Variants in GAD2 observed in about 807,000 individuals in gnomAD.
GAD2 encodes the protein glutamate decarboxylase 2.
A neutral mutation model predicts 80.1 loss-of-function variants in GAD2; 22 were observed. The observed-to-expected ratio is 0.27, with a 90% CI of 0.20 to 0.39. GAD2 has a LOEUF of 0.39. GAD2 is among the 10% of genes least tolerant of loss of function. The pLI is 1.00. For missense variants in GAD2, 624 were observed against 738.4 expected (o/e 0.85, Z 1.80); for synonymous variants, 274 against 256.9 (o/e 1.07, Z -0.64).
At position 26,301,081 on chromosome 10, in the gene GAD2, T is replaced by C. The variant is rs555050655; in HGVS notation, c.*120T>C. 1 of 864,380 alleles carries C rather than the reference T, an allele frequency of 1.2e-6. No individual in the cohort carries two copies. The highest frequency in any genetic ancestry group is 1.7e-5 in the African/African-American group (1 of 59,450). The allele number at this position is 864,380 out of a possible 1,614,324, so 53.5% of individuals were successfully genotyped here. On this transcript the variant is annotated 3_prime_UTR_variant, in exon 16 of 16. Coordinates refer to ENST00000376261, the MANE Select transcript of GAD2 (RefSeq NM_001134366.2). ...CTATTTCTATATTGTGGTGTCAAAG[T>C]AGAGTTTAAAAATTAAACAAAAAAG...
At chr10:26,218,015 G>C (rs764911751) in intron 3 of GAD2, 24 bp downstream of exon 3, 1 of 1,580,718 alleles carries the variant, frequency 6.3e-7, no homozygotes, top group Non-Finnish European at 8.6e-7. Context: ...GGGGAGCCCC[G>C]GGGCGCCCCT....
intron 15 of GAD2, among the ~76,000 whole-genome samples, chr10:26,293,911 A>G (rs1354266127): frequency 6.6e-6 from 1 of 152,248 alleles, no homozygotes; most frequent in African/African-American, 2.4e-5. Flanking sequence ...ACTGACCCAC[A>G]GGGAGAAAAT....
At chr10:26,231,110 G>A (rs1317205507) in intron 7 of GAD2, among the ~76,000 whole-genome samples, 2 of 152,066 alleles carry the variant, frequency 1.3e-5, no homozygotes, top group Non-Finnish European at 2.9e-5. Context: ...AAAAACATAA[G>A]ACTGTTCCTT....
At chr10:26,251,725 A>T (rs145180165) in intron 8 of GAD2, among the ~76,000 whole-genome samples, 48 of 152,354 alleles carry the variant, frequency 3.2e-4, no homozygotes, top group Admixed American at 1.6e-3. Context: ...CTTGCAAAAG[A>T]TTTCATCAAT....
At chr10:26,228,948 G>C (rs1844563374) in intron 6 of GAD2, among the ~76,000 whole-genome samples, 1 of 152,150 alleles carries the variant, frequency 6.6e-6, no homozygotes, top group African/African-American at 2.4e-5. Context: ...CTAGCACTTT[G>C]GGAGGCCGAG....
In GAD2 at chr10:26,227,803, C is replaced by T. The variant is rs1844548395; in HGVS notation, c.725-1859C>T. On this transcript the variant is annotated intron_variant, in intron 6 of 15. Transcript: ENST00000376261. ...CTGAAGCAGACCCTGCTTCCAGCAT[C>T]CTACAGCCAGCCTTTCACACCGGGT... 1.3e-5 allele frequency among the ~76,000 whole-genome samples: 2 copies of T among 152,256 alleles called. 1 individual carries two copies. The highest frequency in any genetic ancestry group is 4.1e-4 in the South Asian group (2 of 4,834).
At chr10:26,222,312 C>T (rs1453717857) in intron 4 of GAD2, among the ~76,000 whole-genome samples, 1 of 152,062 alleles carries the variant, frequency 6.6e-6, no homozygotes, top group African/African-American at 2.4e-5. Context: ...CCCAAGTTTC[C>T]CTAGAGTTAA....
intron 13 of GAD2, among the ~76,000 whole-genome samples, chr10:26,287,054 C>A (rs984749344): frequency 5.3e-5 from 8 of 152,220 alleles, no homozygotes; most frequent in African/African-American, 1.9e-4. Flanking sequence ...CTCCTTTTTT[C>A]AGCAAGGAAA....
chr10:26,273,485 G>A (rs148779382), intron 10 of GAD2, 151 bp from the exon 11 acceptor site: 391 of 679,114 alleles, frequency 5.8e-4, no homozygotes, highest in African/African-American at 4.4e-3. Flanking sequence ...AGGGCCCTTC[G>A]GTGTAAACTC....
intron 13 of GAD2, among the ~76,000 whole-genome samples, chr10:26,290,481 C>CTCCT: frequency 6.6e-6 from 1 of 152,156 alleles, no homozygotes; most frequent in East Asian, 1.9e-4. Flanking sequence ...AGTGGTTGAG[C>CTCCT]AGGAGTTCAG....
intron 11 of GAD2, among the ~76,000 whole-genome samples, chr10:26,278,672 C>A (rs1480722915): frequency 6.6e-6 from 1 of 152,082 alleles, no homozygotes; most frequent in East Asian, 1.9e-4. Context: ...TGTTATTACT[C>A]ATTAAGTCCT....
intron 7 of GAD2, among the ~76,000 whole-genome samples, chr10:26,230,160 C>G (rs1199958892): frequency 6.6e-6 from 1 of 151,878 alleles, no homozygotes; most frequent in African/African-American, 2.4e-5. Context: ...AGAGCAAGAC[C>G]CTGTCTAAAA....
chr10:26,249,048 GA>G (rs1246856121), intron 8 of GAD2, among the ~76,000 whole-genome samples: 2 of 152,112 alleles, frequency 1.3e-5, no homozygotes, highest in Admixed American at 6.5e-5. Context: ...ACACATTTTG[GA>G]AAAGAAATTG....
At chr10:26,253,427 A>G (rs1844904582) in intron 8 of GAD2, among the ~76,000 whole-genome samples, 2 of 152,232 alleles carry the variant, frequency 1.3e-5, no homozygotes, top group Non-Finnish European at 2.9e-5. Context: ...TGTAGCTAAG[A>G]ATAGAAAAGA....
intron 4 of GAD2, among the ~76,000 whole-genome samples, chr10:26,219,932 G>T (rs185660141): frequency 4.2e-4 from 64 of 152,296 alleles, no homozygotes; most frequent in Non-Finnish European, 5.1e-4. Context: ...AAGAAAAAGG[G>T]GGGGAGGGGC....
chr10:26,263,771 A>G (rs186228272), intron 8 of GAD2, among the ~76,000 whole-genome samples: 6 of 152,266 alleles, frequency 3.9e-5, no homozygotes, highest in African/African-American at 9.6e-5. Flanking sequence ...AACATCCTCA[A>G]ATATGTTTTA....
chr10:26,228,205 C>T (rs1844553629), intron 6 of GAD2, among the ~76,000 whole-genome samples: 1 of 152,242 alleles, frequency 6.6e-6, no homozygotes, highest in Non-Finnish European at 1.5e-5. Flanking sequence ...GCATTCATAA[C>T]AATCTGTCTT....
At position 26,217,807 on chromosome 10, in the gene GAD2, G is replaced by A. The variant is rs777521069; in HGVS notation, c.137-35G>A. ...AGCGAGGGAGCCGGGCCCGGCGGAG[G>A]ATTGACGAGGCCCGCGTTCGGTGTC... On this transcript the variant is annotated intron_variant, in intron 2 of 15. Coordinates refer to ENST00000376261, the MANE Select transcript of GAD2 (RefSeq NM_001134366.2). The surrounding 1 kb of genome is among the most constrained non-coding windows in gnomAD (Gnocchi z 4.9). The A allele has an allele frequency of 1.9e-6, 3 of 1,585,706 alleles. No homozygotes were observed. The highest frequency in any genetic ancestry group is 1.1e-5 in the South Asian group (1 of 88,600).
intron 11 of GAD2, among the ~76,000 whole-genome samples, chr10:26,280,465 C>T (rs1845259343): frequency 6.6e-6 from 1 of 152,128 alleles, no homozygotes. Flanking sequence ...GAGGGGCCTT[C>T]CAGGTCATAG....
Sources: gnomAD v4.1 joint callset for allele counts (sites outside exome capture counted in the v4.1 genomes callset) on GRCh38, gnomAD v4.1.1 for gene constraint, Gnocchi (gnomAD v3.1) non-coding constraint, MANE v1.5 for transcripts, NCBI Gene and HGNC (gene_info 2026-07-23, HGNC 2026-07-21) for gene names.